The following ZNF782 variants were observed in gnomAD, a reference collection of about 807,000 sequenced individuals.
ZNF782 encodes zinc finger protein 782.
ZNF782 carries 12 observed loss-of-function variants against 13.0 expected under a neutral mutation model. The observed-to-expected ratio is 0.92, with a 90% CI of 0.59 to 1.50. ZNF782 has a LOEUF of 1.50. Among genes scored for constraint, ZNF782 ranks in the 40% most tolerant of loss-of-function variants. The pLI, the probability that ZNF782 is intolerant of heterozygous loss-of-function variation, is 0.00. For missense variants in ZNF782, 770 were observed against 822.9 expected (o/e 0.94, Z 0.79); for synonymous variants, 284 against 283.0 (o/e 1.00, Z -0.04).
rs137898408 is a variant in ZNF782 at position 96,819,530 on chromosome 9, G to A, written c.493C>T (p.Arg165Cys). The A allele has an allele frequency of 2.4e-5, 38 of 1,612,416 alleles. No homozygotes were observed. The highest frequency in any genetic ancestry group is 1.1e-4 in the East Asian group (5 of 44,866). Reference protein sequence around the residue: ...CQYSKEKAHERNVCDKWLISI... With the variant: ...CQYSKEKAHECNVCDKWLISI... ...ATGAGCCATTTGTCACAAACATTAC[G>A]CTCATGAGCCTTTTCTTTTGAATAC... The change falls in exon 6 of 6, where the codon CGT becomes TGT. Residue 165 changes from arginine to cysteine, a missense_variant. Arg to Cys is a radical substitution (Grantham distance 180). Coordinates refer to ENST00000481138, the MANE Select transcript of ZNF782 (RefSeq NM_001001662.3).
chr9:96,886,626 T>C, the ZNF782 span, among the ~76,000 whole-genome samples: 1,250 of 152,156 alleles, frequency 8.2e-3, 67 homozygotes, highest in Admixed American at 0.077. Context: ...AGCTGTATGA[T>C]CAAAAACACT....
chr9:96,919,590 G>A, the ZNF782 span, among the ~76,000 whole-genome samples: 1 of 124,516 alleles, frequency 8.0e-6, no homozygotes, highest in East Asian at 3.0e-4. Context: ...TTGAGACAGA[G>A]TCTTGCTCTG....
At chr9:96,866,997 C>T (rs1234778481) in intron 1 of ZNF782, among the ~76,000 whole-genome samples, 1 of 152,190 alleles carries the variant, frequency 6.6e-6, no homozygotes, top group Non-Finnish European at 1.5e-5. Context: ...ATTTTACAGG[C>T]TGATAGGCAG....
intron 4 of ZNF782, among the ~76,000 whole-genome samples, chr9:96,839,000 C>T (rs774464604): frequency 2.6e-5 from 4 of 152,126 alleles, no homozygotes; most frequent in Non-Finnish European, 5.9e-5. Context: ...AGTCGTGAGC[C>T]ACAGCGCCTG....
the ZNF782 span, chr9:96,931,812 G>A: frequency 3.7e-6 from 6 of 1,611,776 alleles, no homozygotes; most frequent in East Asian, 4.5e-5. Context: ...CCCTCTCCCG[G>A]CCCAACACAC....
chr9:96,831,762 C>G (rs1018136677), intron 4 of ZNF782, among the ~76,000 whole-genome samples: 1 of 151,524 alleles, frequency 6.6e-6, no homozygotes, highest in African/African-American at 2.4e-5. Flanking sequence ...CATGTAACAT[C>G]ACTCTGTTAC....
chr9:96,931,067 T>C, the ZNF782 span, among the ~76,000 whole-genome samples: 2 of 151,724 alleles, frequency 1.3e-5, no homozygotes, highest in Non-Finnish European at 2.9e-5. Context: ...TTTTGTATTT[T>C]AGTAGAGATG....
At chr9:96,895,415 T>C in the ZNF782 span, 1 of 152,156 alleles carries the variant, frequency 6.6e-6, no homozygotes, top group South Asian at 2.1e-4. Flanking sequence ...CTAACTCGAA[T>C]CAAAAAAACG....
chr9:96,896,416 G>A, the ZNF782 span, among the ~76,000 whole-genome samples: 1 of 152,176 alleles, frequency 6.6e-6, no homozygotes, highest in South Asian at 2.1e-4. Flanking sequence ...GAAGCAGTAA[G>A]AAGTAGCAAC....
Position 96,819,564 on chromosome 9 carries a change from T to C in ZNF782, c.459A>G (p.Pro153=), listed in dbSNP as rs1850335739. The C allele has an allele frequency of 6.2e-7, 1 of 1,613,696 alleles. No individual in the cohort carries two copies. Among genetic ancestry groups the C allele is most frequent in the Non-Finnish European group, 8.5e-7 (1 of 1,179,884 alleles). The change falls in exon 6 of 6, where the codon CCA becomes CCG. Residue 153 remains proline, a synonymous_variant. Coordinates refer to ENST00000481138, the MANE Select transcript of ZNF782 (RefSeq NM_001001662.3). The part of the protein sequence containing the change: ...SACQGLSLMA[P]HCQYSKEKAH... ...CCTTTTCTTTTGAATACTGACAGTGTGGGGCCATCAGGCTGAGCCCCTGGC... is the reference window on the plus strand; with the variant it reads ...CCTTTTCTTTTGAATACTGACAGTGCGGGGCCATCAGGCTGAGCCCCTGGC...
chr9:96,884,396 GCAA>G, the ZNF782 span, among the ~76,000 whole-genome samples: 4 of 152,186 alleles, frequency 2.6e-5, no homozygotes, highest in Admixed American at 6.5e-5. Context: ...CCTCCACTTG[GCAA>G]CAACAAGGCA....
In ZNF782 at chr9:96,818,465, C is replaced by G. The variant is rs750330298; in HGVS notation, c.1558G>C (p.Gly520Arg). The G allele has an allele frequency of 2.5e-6, 4 of 1,613,224 alleles. No homozygotes were observed. Among genetic ancestry groups the G allele is most frequent in the Admixed American group, 3.3e-5 (2 of 59,952 alleles). Reference protein sequence around the residue: ...ECGKAFKLKSGLRKHHRTHTG... With the variant: ...ECGKAFKLKSRLRKHHRTHTG... ...TGTGTTCTATGATGTTTCCTCAGGC[C>G]TGACTTCAGTTTGAAAGCTTTCCCA... Residue 520 changes from glycine (G) to arginine (R), a missense_variant, in exon 6 of 6, where the codon GGC (glycine) becomes CGC (arginine). Coordinates refer to ENST00000481138, the MANE Select transcript of ZNF782 (RefSeq NM_001001662.3).
At chr9:96,886,265 T>C in the ZNF782 span, among the ~76,000 whole-genome samples, 1 of 148,848 alleles carries the variant, frequency 6.7e-6, no homozygotes, top group Non-Finnish European at 1.5e-5. Context: ...GAAAATATCC[T>C]TTAAGAATGA....
At chr9:96,927,770 G>T in the ZNF782 span, among the ~76,000 whole-genome samples, 1 of 150,174 alleles carries the variant, frequency 6.7e-6, no homozygotes, top group African/African-American at 2.5e-5. Context: ...AATTCCACTT[G>T]GTATTCTTTA....
At chr9:96,912,900 G>C in the ZNF782 span, among the ~76,000 whole-genome samples, 1 of 151,638 alleles carries the variant, frequency 6.6e-6, no homozygotes, top group Non-Finnish European at 1.5e-5. Flanking sequence ...ATGAAACAAT[G>C]TTGTCCAACA....
At chr9:96,895,181 TC>T in the ZNF782 span, 1 of 152,328 alleles carries the variant, frequency 6.6e-6, no homozygotes, top group Middle Eastern at 3.4e-3. Context: ...AGTAACTGGA[TC>T]CCAGGATGGC....
chr9:96,881,985 A>G, the ZNF782 span, among the ~76,000 whole-genome samples: 2 of 96,372 alleles, frequency 2.1e-5, no homozygotes, highest in Admixed American at 1.2e-4. Flanking sequence ...TTTTGGAAGT[A>G]TGAGTGTGTG....
chr9:96,826,433 A>T (rs1322469323), intron 5 of ZNF782, among the ~76,000 whole-genome samples: 2 of 152,242 alleles, frequency 1.3e-5, no homozygotes, highest in African/African-American at 4.8e-5. Flanking sequence ...TAGCTTTGGG[A>T]GATATACCTA....
chr9:96,873,982 C>T (rs1307951988), intron 1 of ZNF782, among the ~76,000 whole-genome samples: 2 of 152,176 alleles, frequency 1.3e-5, no homozygotes, highest in Non-Finnish European at 2.9e-5. Flanking sequence ...GATTATCTGA[C>T]TACCAAAGCT....
Sources: gnomAD v4.1 joint callset for allele counts (sites outside exome capture counted in the v4.1 genomes callset) on GRCh38, gnomAD v4.1.1 for gene constraint, MANE v1.5 for transcripts, NCBI Gene and HGNC (gene_info 2026-07-23, HGNC 2026-07-21) for gene names.